SUPT20H: variants seen among roughly 807,000 people sequenced by gnomAD.
SUPT20H encodes the protein transcription factor SPT20 homolog.
In SUPT20H, 82 loss-of-function variants were observed where a neutral mutation model predicts 122.8. The ratio of observed to expected loss-of-function variants is 0.67; its 90% CI spans 0.56 to 0.80. The LOEUF (loss-of-function observed/expected upper bound fraction) is 0.80. Among genes scored for constraint, SUPT20H ranks in the 30% least tolerant of loss-of-function variants. SUPT20H has a pLI of 0.00. For missense variants in SUPT20H, 831 were observed against 921.6 expected (o/e 0.90, Z 1.27); for synonymous variants, 291 against 313.0 (o/e 0.93, Z 0.74).
intron 18 of SUPT20H, 47 bp downstream of exon 18, chr13:37,024,293 T>C (rs760182368): frequency 2.5e-5 from 38 of 1,522,942 alleles, no homozygotes; most frequent in Middle Eastern, 1.8e-4. Flanking sequence ...ATTATGATTA[T>C]ATAATATTTG....
At chr13:37,053,403 C>T (rs1165420093) in intron 1 of SUPT20H, among the ~76,000 whole-genome samples, 2 of 152,176 alleles carry the variant, frequency 1.3e-5, no homozygotes, top group South Asian at 2.1e-4. Context: ...AACCATCATC[C>T]TCAGCAAACT....
intron 1 of SUPT20H, among the ~76,000 whole-genome samples, chr13:37,055,925 A>G (rs2068879628): frequency 1.3e-5 from 2 of 152,236 alleles, no homozygotes; most frequent in Non-Finnish European, 2.9e-5. Flanking sequence ...TTCCAAGGAA[A>G]AAACAAACAA....
At position 37,024,411 on chromosome 13, in the gene SUPT20H, AC is replaced by A; in HGVS notation, c.1360del (p.Val454TyrfsTer6). 6.3e-7 allele frequency: 1 copy of A among 1,580,946 alleles called. No homozygotes were observed. Among genetic ancestry groups the A allele is most frequent in the Non-Finnish European group, 8.6e-7 (1 of 1,167,054 alleles). On this transcript the variant is annotated frameshift_variant, in exon 18 of 26. Coordinates refer to ENST00000350612, the MANE Select transcript of SUPT20H (RefSeq NM_001014286.3). LOFTEE classifies it high-confidence loss of function. The stretch of plus-strand genomic sequence containing the variant: ...TCGATGTTTTACACCCTTCCCCAAT[AC>A]CGAAGACTGAACTGACACGGTTTCA... ...QTETVSVQSS[V>X]LGKGVKHRPP...
intron 1 of SUPT20H, among the ~76,000 whole-genome samples, chr13:37,053,223 C>T (rs1019695221): frequency 1.4e-4 from 21 of 152,070 alleles, no homozygotes; most frequent in Admixed American, 4.6e-4. Flanking sequence ...ACACACGTAA[C>T]GTATGTTTAC....
At position 37,047,890 on chromosome 13, in the gene SUPT20H, A is replaced by T; in HGVS notation, c.86T>A (p.Leu29Gln). Residue 29 changes from leucine to glutamine, a missense_variant, in exon 4 of 26, where the codon CTA (leucine) becomes CAA (glutamine). Leu to Gln is a moderately radical substitution (Grantham distance 113). Transcript: ENST00000350612. ...TAATTATTCATACCTTCCACTTGAT[A>T]GGTATTTCCTTTTAGGAGGTCTCTG... is the stretch of plus-strand genomic sequence containing the variant. Reference protein sequence around the residue: ...ARQRPPKRKYLSSGRKSVFQK... With the variant: ...ARQRPPKRKYQSSGRKSVFQK... 6.2e-7 allele frequency: 1 copy of T among 1,604,778 alleles called. No individual in the cohort carries two copies. The highest frequency in any genetic ancestry group is 8.5e-7 in the Non-Finnish European group (1 of 1,175,658).
At chr13:37,058,132 G>A (rs925154314) in intron 1 of SUPT20H, among the ~76,000 whole-genome samples, 6 of 152,126 alleles carry the variant, frequency 3.9e-5, no homozygotes, top group African/African-American at 1.4e-4. Context: ...CGGGTGTGTT[G>A]GCACACACCT....
intron 1 of SUPT20H, among the ~76,000 whole-genome samples, chr13:37,056,208 G>A (rs1226798831): frequency 3.9e-5 from 6 of 152,164 alleles, no homozygotes; most frequent in African/African-American, 1.2e-4. Flanking sequence ...TCAGTGTGGC[G>A]ATTCCTCAAG....
intron 9 of SUPT20H, 191 bp downstream of exon 9, chr13:37,040,214 C>G: frequency 2.1e-6 from 1 of 469,808 alleles, no homozygotes. Flanking sequence ...TGATCTTAGG[C>G]AACTTGAGGG....
intron 2 of SUPT20H, among the ~76,000 whole-genome samples, chr13:37,049,170 A>G (rs529126023): frequency 6.6e-6 from 1 of 152,316 alleles, no homozygotes; most frequent in South Asian, 2.1e-4. Flanking sequence ...ATTCTGCATA[A>G]CATTAAGACA....
intron 7 of SUPT20H, 47 bp downstream of exon 7, chr13:37,044,031 A>G: frequency 8.3e-7 from 1 of 1,208,700 alleles, no homozygotes; most frequent in Non-Finnish European, 1.2e-6. Flanking sequence ...TATATATCAT[A>G]TACATATAAC....
intron 21 of SUPT20H, 52 bp downstream of exon 21, chr13:37,021,396 T>A: frequency 6.7e-7 from 1 of 1,491,580 alleles, no homozygotes; most frequent in Non-Finnish European, 9.0e-7. Flanking sequence ...ACATTTTTAC[T>A]TTAGCATATA....
intron 5 of SUPT20H, 161 bp downstream of exon 5, chr13:37,047,374 G>A: frequency 1.4e-6 from 1 of 695,978 alleles, no homozygotes; most frequent in South Asian, 2.4e-5. Context: ...CCTGGTGCCA[G>A]ATTAGCCAGA....
intron 1 of SUPT20H, among the ~76,000 whole-genome samples, chr13:37,054,374 A>G (rs1485799987): frequency 2.0e-5 from 3 of 152,220 alleles, no homozygotes; most frequent in Non-Finnish European, 2.9e-5. Context: ...CCTCAATAAA[A>G]TAATGGCAAA....
chr13:37,044,408 C>T (rs1480667680), intron 6 of SUPT20H, among the ~76,000 whole-genome samples: 6 of 151,566 alleles, frequency 4.0e-5, no homozygotes, highest in East Asian at 1.9e-4. Context: ...TCTGGCATAA[C>T]GTCACAATCT....
chr13:37,021,741 G>A, intron 20 of SUPT20H, 139 bp from the exon 21 acceptor site: 5 of 1,115,968 alleles, frequency 4.5e-6, no homozygotes, highest in Non-Finnish European at 6.1e-6. Flanking sequence ...AGAAAGTAAT[G>A]CAGAAGATAA....
intron 9 of SUPT20H, among the ~76,000 whole-genome samples, chr13:37,037,570 G>C (rs1221939693): frequency 6.6e-6 from 1 of 152,156 alleles, no homozygotes; most frequent in African/African-American, 2.4e-5. Flanking sequence ...CCAGGAACTG[G>C]GGATAAGGTA....
chr13:37,025,053 T>C, intron 17 of SUPT20H: 1 of 356,448 alleles, frequency 2.8e-6, no homozygotes, highest in South Asian at 2.2e-5. Context: ...GAGATTCTCC[T>C]GTCTCAGCCT....
intron 8 of SUPT20H, 30 bp downstream of exon 8, chr13:37,040,546 A>G: frequency 6.2e-7 from 1 of 1,603,522 alleles, no homozygotes; most frequent in South Asian, 1.1e-5. Context: ...CTAAAATCTA[A>G]AATAGTATTT....
At chr13:37,042,964 A>T (rs1006614480) in intron 7 of SUPT20H, among the ~76,000 whole-genome samples, 6 of 152,186 alleles carry the variant, frequency 3.9e-5, no homozygotes, top group Non-Finnish European at 7.3e-5. Flanking sequence ...TAATCAAAAA[A>T]CCTGAAATCG....
Sources: gnomAD v4.1 joint callset for allele counts (sites outside exome capture counted in the v4.1 genomes callset) on GRCh38, gnomAD v4.1.1 for gene constraint, MANE v1.5 for transcripts, NCBI Gene and HGNC (gene_info 2026-07-23, HGNC 2026-07-21) for gene names.